The following CSMD1 variants were observed in gnomAD, a reference collection of about 807,000 sequenced individuals.
CSMD1 encodes the protein CUB and sushi domain-containing protein 1.
In CSMD1, 213 loss-of-function variants were observed where a neutral mutation model predicts 417.5. The observed-to-expected ratio is 0.51, with a 90% CI of 0.46 to 0.57. CSMD1 has a LOEUF of 0.57. Ranked by LOEUF, CSMD1 falls within the 20% of genes least tolerant of loss-of-function variation. The pLI, the probability that CSMD1 is intolerant of heterozygous loss-of-function variation, is 0.00. For missense variants in CSMD1, 6,923 were observed against 4,529.7 expected (o/e 1.53, Z -15.17); for synonymous variants, 2,862 against 1,736.8 (o/e 1.65, Z -16.11).
rs1563829657 is a variant in CSMD1 at position 4,943,513 on chromosome 8, T to TAA, written c.85+50817_85+50818dup. On this transcript the variant is annotated intron_variant, in intron 1 of 69. Coordinates refer to ENST00000635120, the MANE Select transcript of CSMD1 (RefSeq NM_033225.6). ...ACCGTCTCAAAAAAATAAAATGAAA[T>TAA]AAAATAAAATAAAATAAAATAAAAT... is the stretch of plus-strand genomic sequence containing the variant. 6.6e-4 allele frequency among the ~76,000 whole-genome samples: 3 copies of TAA among 4,562 alleles called. 1 individual carries two copies. Among genetic ancestry groups the TAA allele is most frequent in the African/African-American group, 9.5e-4 (3 of 3,166 alleles). The allele number at this position is 4,562 out of a possible 152,430, so 3.0% of individuals were successfully genotyped here.
At chr8:3,350,995 G>C (rs962270439) in intron 21 of CSMD1, among the ~76,000 whole-genome samples, 5 of 152,090 alleles carry the variant, frequency 3.3e-5, no homozygotes, top group African/African-American at 1.2e-4. Context: ...TTGCCTTTTA[G>C]AAAAAATCAA....
chr8:3,478,715 C>A (rs560760536), intron 11 of CSMD1, among the ~76,000 whole-genome samples: 1 of 152,258 alleles, frequency 6.6e-6, no homozygotes, highest in South Asian at 2.1e-4. Context: ...CGCAGCACCA[C>A]AGCAAATAAA....
chr8:4,615,349 A>T (rs960483255), intron 2 of CSMD1, among the ~76,000 whole-genome samples: 1 of 152,194 alleles, frequency 6.6e-6, no homozygotes, highest in African/African-American at 2.4e-5. Context: ...CACCCATAAT[A>T]TACAGCAATG....
intron 7 of CSMD1, among the ~76,000 whole-genome samples, chr8:3,619,352 C>T (rs1802304668): frequency 6.7e-6 from 1 of 150,348 alleles, no homozygotes; most frequent in Non-Finnish European, 1.5e-5. Flanking sequence ...AAACATGGAG[C>T]ACGGTAGTTA....
At chr8:4,775,776 G>A (rs901501555) in intron 1 of CSMD1, among the ~76,000 whole-genome samples, 3 of 152,198 alleles carry the variant, frequency 2.0e-5, no homozygotes, top group Non-Finnish European at 2.9e-5. Context: ...TCGTGTGGAT[G>A]TGGATGCACT....
intron 8 of CSMD1, among the ~76,000 whole-genome samples, chr8:3,595,084 A>C (rs1801028721): frequency 6.6e-6 from 1 of 152,206 alleles, no homozygotes; most frequent in Non-Finnish European, 1.5e-5. Flanking sequence ...TAAATGCTTT[A>C]GGTATCCTCT....
chr8:3,498,181 G>C (rs889276302), intron 10 of CSMD1, among the ~76,000 whole-genome samples: 87 of 152,224 alleles, frequency 5.7e-4, no homozygotes, highest in African/African-American at 2.0e-3. Context: ...TAGTCTGGGA[G>C]CTTCTTGCTT....
intron 3 of CSMD1, among the ~76,000 whole-genome samples, chr8:4,287,185 G>A (rs1797107880): frequency 6.6e-6 from 1 of 152,162 alleles, no homozygotes; most frequent in Non-Finnish European, 1.5e-5. Flanking sequence ...GAACTAAACA[G>A]TTTAATTTTA....
chr8:4,214,497 T>C (rs1800514096), intron 3 of CSMD1, among the ~76,000 whole-genome samples: 1 of 152,162 alleles, frequency 6.6e-6, no homozygotes, highest in Non-Finnish European at 1.5e-5. Flanking sequence ...AGGGTCTTCC[T>C]CTGTTGCCCA....
intron 1 of CSMD1, among the ~76,000 whole-genome samples, chr8:4,747,953 T>C (rs1811063225): frequency 6.6e-6 from 1 of 152,254 alleles, no homozygotes; most frequent in Non-Finnish European, 1.5e-5. Context: ...CCATATGTTC[T>C]GCCTTCTACT....
intron 5 of CSMD1, among the ~76,000 whole-genome samples, chr8:3,857,189 G>T (rs905064332): frequency 6.6e-6 from 1 of 152,134 alleles, no homozygotes; most frequent in Non-Finnish European, 1.5e-5. Context: ...CATGAAAAAA[G>T]TGCCAAAGTT....
chr8:3,623,149 A>G (rs73181137), intron 7 of CSMD1, among the ~76,000 whole-genome samples: 27 of 152,356 alleles, frequency 1.8e-4, no homozygotes, highest in Non-Finnish European at 2.2e-4. Context: ...GACAGTTTGT[A>G]AAAGAGTTTA....
At chr8:3,935,621 G>A (rs1012862838) in intron 5 of CSMD1, among the ~76,000 whole-genome samples, 5 of 152,138 alleles carry the variant, frequency 3.3e-5, no homozygotes, top group Admixed American at 1.3e-4. Context: ...GTAATTGTTT[G>A]GGGGCCCCAT....
chr8:4,816,943 G>T (rs1799242049), intron 1 of CSMD1, among the ~76,000 whole-genome samples: 2 of 152,136 alleles, frequency 1.3e-5, no homozygotes, highest in Admixed American at 1.3e-4. Context: ...AAAGGGAATT[G>T]CATTGAAGGA....
intron 37 of CSMD1, among the ~76,000 whole-genome samples, chr8:3,177,778 T>G (rs58002274): frequency 0.14 from 21,789 of 152,180 alleles, 3,396 homozygotes; most frequent in African/African-American, 0.39. Flanking sequence ...GCCACCTTGT[T>G]GGCCAGCAGT....
chr8:3,839,646 T>C lies in CSMD1; in HGVS notation c.819-85604A>G, dbSNP rs566423682. ...CAGCCTGGGCAACAAGAGTGACACT[T>C]CAACTCAGAAAAAAAAAAAAAAGAA... On this transcript the variant is annotated intron_variant, in intron 5 of 69. Coordinates refer to ENST00000635120, the MANE Select transcript of CSMD1 (RefSeq NM_033225.6). Among the ~76,000 whole-genome samples the C allele has an allele frequency of 6.8e-4, 95 of 139,814 alleles. 1 individual carries two copies. The highest frequency in any genetic ancestry group is 3.6e-3 in the Middle Eastern group (1 of 274). 91.7% of individuals were successfully genotyped at this position (139,814 alleles called of 152,430 possible).
intron 5 of CSMD1, among the ~76,000 whole-genome samples, chr8:3,849,545 AT>A (rs1167043642): frequency 6.6e-6 from 1 of 152,208 alleles, no homozygotes; most frequent in Non-Finnish European, 1.5e-5. Flanking sequence ...TTCAGCAGAA[AT>A]TGGTATCTGC....
chr8:3,035,071 G>T (rs1810583813), intron 50 of CSMD1, among the ~76,000 whole-genome samples: 1 of 152,096 alleles, frequency 6.6e-6, no homozygotes, highest in Admixed American at 6.5e-5. Flanking sequence ...CAGTCAGGAG[G>T]CAACACGAAA....
chr8:3,501,460 C>G (rs1251196923), intron 10 of CSMD1, among the ~76,000 whole-genome samples: 1 of 152,020 alleles, frequency 6.6e-6, no homozygotes, highest in African/African-American at 2.4e-5. Context: ...TATAATTTTC[C>G]AAGATTTAGA....
Sources: gnomAD v4.1 joint callset for allele counts (sites outside exome capture counted in the v4.1 genomes callset) on GRCh38, gnomAD v4.1.1 for gene constraint, MANE v1.5 for transcripts, NCBI Gene and HGNC (gene_info 2026-07-23, HGNC 2026-07-21) for gene names.